ZNF804B: variants seen among roughly 807,000 people sequenced by gnomAD.
ZNF804B encodes the protein zinc finger 804B.
ZNF804B carries 80 observed loss-of-function variants against 101.4 expected under a neutral mutation model. That is an observed-to-expected ratio of 0.79 (90% CI 0.66 to 0.95). ZNF804B has a LOEUF of 0.95. Among genes scored for constraint, ZNF804B ranks in the 40% least tolerant of loss-of-function variants. The pLI is 0.00. For missense variants in ZNF804B, 1,673 were observed against 1,561.9 expected, an observed-to-expected ratio of 1.07 and a Z score of -1.20; for synonymous variants, 622 against 558.8, an observed-to-expected ratio of 1.11 and a Z score of -1.59.
At chr7:89,258,816 TAAGTC>T (rs1427901348) in intron 2 of ZNF804B, among the ~76,000 whole-genome samples, 1 of 152,166 alleles carries the variant, frequency 6.6e-6, no homozygotes, top group African/African-American at 2.4e-5. Context: ...TATTGACTAT[TAAGTC>T]AAATTGGATC....
intron 2 of ZNF804B, among the ~76,000 whole-genome samples, chr7:89,315,145 A>C (rs1001837837): frequency 1.3e-5 from 2 of 152,130 alleles, no homozygotes; most frequent in African/African-American, 4.8e-5. Flanking sequence ...TCACATGGTG[A>C]GAGCGAGAGC....
intron 1 of ZNF804B, among the ~76,000 whole-genome samples, chr7:88,785,009 G>A (rs1486775081): frequency 1.3e-5 from 2 of 152,064 alleles, no homozygotes. Context: ...GTAATAGATA[G>A]CACCATTCCT....
chr7:89,083,270 C>G (rs1562879741), intron 1 of ZNF804B, among the ~76,000 whole-genome samples: 2 of 151,708 alleles, frequency 1.3e-5, no homozygotes, highest in Non-Finnish European at 3.0e-5. Flanking sequence ...TATAATATTA[C>G]AAGATTTTTG....
At chr7:89,103,273 G>A (rs1033514503) in intron 1 of ZNF804B, among the ~76,000 whole-genome samples, 2 of 150,320 alleles carry the variant, frequency 1.3e-5, no homozygotes, top group Non-Finnish European at 3.0e-5. Flanking sequence ...AATGATGTTG[G>A]TAATTTGTCA....
At chr7:89,264,416 G>A (rs765803287) in intron 2 of ZNF804B, among the ~76,000 whole-genome samples, 1 of 152,172 alleles carries the variant, frequency 6.6e-6, no homozygotes, top group Non-Finnish European at 1.5e-5. Flanking sequence ...ATATGCCACT[G>A]AAAGCTAACA....
At chr7:89,271,322 A>T (rs1410242035) in intron 2 of ZNF804B, among the ~76,000 whole-genome samples, 1 of 152,162 alleles carries the variant, frequency 6.6e-6, no homozygotes, top group East Asian at 1.9e-4. Flanking sequence ...CTATTGAGAT[A>T]ATCATGTGGT....
chr7:88,951,131 G>A (rs1022139403), intron 1 of ZNF804B, among the ~76,000 whole-genome samples: 1 of 151,852 alleles, frequency 6.6e-6, no homozygotes, highest in Non-Finnish European at 1.5e-5. Context: ...GAGGACTCTA[G>A]CATGGCAGAA....
chr7:88,958,927 A>G (rs1438240045), intron 1 of ZNF804B, among the ~76,000 whole-genome samples: 3 of 151,508 alleles, frequency 2.0e-5, no homozygotes, highest in South Asian at 4.1e-4. Context: ...TTATAATTCC[A>G]ACTAAATCTC....
At chr7:88,831,525 A>G (rs1791133230) in intron 1 of ZNF804B, among the ~76,000 whole-genome samples, 1 of 151,828 alleles carries the variant, frequency 6.6e-6, no homozygotes, top group Admixed American at 6.6e-5. Flanking sequence ...TTGGTCAAGG[A>G]CTGGGCACAT....
chr7:88,810,088 T>A (rs1366543719), intron 1 of ZNF804B, among the ~76,000 whole-genome samples: 29 of 152,186 alleles, frequency 1.9e-4, no homozygotes, highest in Admixed American at 1.9e-3. Flanking sequence ...CCACTACCAA[T>A]GTTCCGTGAT....
At position 89,213,509 on chromosome 7, in the gene ZNF804B, C is replaced by T. The variant is rs539976561; in HGVS notation, c.109-4646C>T. ...CATAATCAGAGCACATATTCACAAC[C>T]AATGCAACAAGACTACTACCTTGCA... On this transcript the variant is annotated intron_variant, in intron 1 of 3. Coordinates refer to ENST00000333190, the MANE Select transcript of ZNF804B (RefSeq NM_181646.5). Among the ~76,000 whole-genome samples, 5 of 152,276 alleles carry T rather than the reference C, an allele frequency of 3.3e-5. No homozygotes were observed. The South Asian group carries it at 1.0e-3, about 32-fold the overall frequency.
chr7:89,005,474 C>A (rs555612675), intron 1 of ZNF804B, among the ~76,000 whole-genome samples: 17 of 152,118 alleles, frequency 1.1e-4, no homozygotes, highest in Admixed American at 2.0e-4. Context: ...TAAGTTATAG[C>A]TGCTAATTTT....
rs1331310085 is a variant in ZNF804B at position 88,987,113 on chromosome 7, A to T, written c.108+227029A>T. ...TGTCCCTCAACTACTTGATTATTAC[A>T]ATTGCATGAAATTTTATTCCTTACT... On this transcript the variant is annotated intron_variant, in intron 1 of 3. Coordinates refer to ENST00000333190, the MANE Select transcript of ZNF804B (RefSeq NM_181646.5). Among the ~76,000 whole-genome samples, 3 of 152,076 alleles carry T rather than the reference A, an allele frequency of 2.0e-5. No individual in the cohort carries two copies. The East Asian group carries it at 5.8e-4, about 29-fold the overall frequency.
At position 89,334,515 on chromosome 7, in the gene ZNF804B, AAG is replaced by A. The variant is rs757602026; in HGVS notation, c.1540_1541del (p.Ser514ProfsTer7). On this transcript the variant is annotated frameshift_variant, in exon 4 of 4. Transcript: ENST00000333190. LOFTEE classifies it high-confidence loss of function. ...AGAAGCCCTTGGAATTGAAGACTAAAAGAGAGAGCCAAGTCTCAGGTTTAACT... is the reference window on the plus strand; with the variant it reads ...AGAAGCCCTTGGAATTGAAGACTAAAAGAGAGCCAAGTCTCAGGTTTAACT... ...GKKPLELKTK[R>X]ESQVSGLTED... 1 of 1,613,722 alleles carries A rather than the reference AAG, an allele frequency of 6.2e-7. No homozygotes were observed. The highest frequency in any genetic ancestry group is 8.5e-7 in the Non-Finnish European group (1 of 1,179,818).
intron 1 of ZNF804B, among the ~76,000 whole-genome samples, chr7:89,168,312 C>T (rs1791173215): frequency 7.9e-6 from 1 of 127,364 alleles, no homozygotes; most frequent in African/African-American, 2.7e-5. Context: ...TGTGTGTGTA[C>T]TGTGTGTGTG....
intron 1 of ZNF804B, among the ~76,000 whole-genome samples, chr7:89,079,084 A>G (rs1285688753): frequency 6.6e-6 from 1 of 152,008 alleles, no homozygotes; most frequent in Admixed American, 6.6e-5. Context: ...AAGTATATCA[A>G]ATTCCCAGTG....
chr7:89,214,094 A>C (rs781046407), intron 1 of ZNF804B, among the ~76,000 whole-genome samples: 1 of 152,236 alleles, frequency 6.6e-6, no homozygotes. Context: ...CAAAACATTA[A>C]TTATAAAAAG....
At chr7:89,199,222 G>C (rs2079170361) in intron 1 of ZNF804B, among the ~76,000 whole-genome samples, 1 of 151,706 alleles carries the variant, frequency 6.6e-6, no homozygotes, top group Non-Finnish European at 1.5e-5. Flanking sequence ...TACATTGTTT[G>C]GGTGCCAGTT....
intron 2 of ZNF804B, among the ~76,000 whole-genome samples, chr7:89,267,682 G>A (rs183934536): frequency 1.3e-5 from 2 of 152,224 alleles, no homozygotes; most frequent in East Asian, 3.9e-4. Flanking sequence ...TGCTGAAATC[G>A]GTAGCAAGGA....
Sources: allele counts gnomAD v4.1 joint callset (sites outside exome capture counted in the v4.1 genomes callset), GRCh38; gene constraint gnomAD v4.1.1; transcripts MANE v1.5; gene names NCBI Gene and HGNC (gene_info 2026-07-23, HGNC 2026-07-21).